MRPS25: variants seen among roughly 807,000 people sequenced by gnomAD.
MRPS25 encodes mitochondrial ribosomal protein S25, also known as small ribosomal subunit protein mS25.
A neutral mutation model predicts 17.3 loss-of-function variants in MRPS25; 15 were observed. That is an observed-to-expected ratio of 0.87 (90% CI 0.58 to 1.34). The LOEUF (loss-of-function observed/expected upper bound fraction) is 1.34. Among genes scored for constraint, MRPS25 ranks in the 40% most tolerant of loss-of-function variants. MRPS25 has a pLI of 0.00. For synonymous variants in MRPS25, 94 were observed against 83.3 expected (o/e 1.13, Z -0.70); for missense variants, 225 against 218.6 (o/e 1.03, Z -0.19).
In MRPS25 at chr3:15,051,819, G is replaced by A. The variant is rs1328766505; in HGVS notation, c.*622C>T. On this transcript the variant is annotated 3_prime_UTR_variant, in exon 4 of 4. Transcript: ENST00000253686. ...CAGTGGCTGACTGGTCAGCAGGTAC[G>A]TGCCTGAGTGAGGCTGGCCTGTCAG... The A allele has an allele frequency of 4.1e-6, 4 of 985,510 alleles. No individual in the cohort carries two copies. The highest frequency in any genetic ancestry group is 1.1e-4 in the East Asian group (1 of 8,808). The allele number at this position is 985,510 out of a possible 1,614,324, so 61.0% of individuals were successfully genotyped here.
intron 1 of MRPS25, among the ~76,000 whole-genome samples, chr3:15,064,102 A>C (rs1439976779): frequency 6.6e-6 from 1 of 152,142 alleles, no homozygotes; most frequent in Non-Finnish European, 1.5e-5. Flanking sequence ...GCCCCACAAG[A>C]AGTTGCTCCC....
intron 1 of MRPS25, among the ~76,000 whole-genome samples, chr3:15,060,670 C>T (rs944431138): frequency 1.3e-5 from 2 of 152,060 alleles, no homozygotes; most frequent in Non-Finnish European, 2.9e-5. Context: ...ATCACGAGGT[C>T]AGGAGATCGA....
chr3:15,063,862 T>C (rs1013956153), intron 1 of MRPS25, among the ~76,000 whole-genome samples: 1 of 151,080 alleles, frequency 6.6e-6, no homozygotes, highest in South Asian at 2.1e-4. Flanking sequence ...TGCCTGGCAG[T>C]TGCCCGGGGA....
At chr3:15,062,821 G>T (rs2042796328) in intron 1 of MRPS25, among the ~76,000 whole-genome samples, 1 of 152,106 alleles carries the variant, frequency 6.6e-6, no homozygotes, top group Non-Finnish European at 1.5e-5. Context: ...GGGTTAAATG[G>T]ATTAAGGGCG....
At chr3:15,060,434 G>C (rs1003425641) in intron 1 of MRPS25, among the ~76,000 whole-genome samples, 1 of 149,822 alleles carries the variant, frequency 6.7e-6, no homozygotes, top group East Asian at 2.0e-4. Flanking sequence ...GATCGCTTAA[G>C]CCCGGGAGTT....
intron 1 of MRPS25, among the ~76,000 whole-genome samples, chr3:15,064,248 T>G (rs369695227): frequency 2.3e-3 from 352 of 152,264 alleles, no homozygotes; most frequent in African/African-American, 8.0e-3. Flanking sequence ...TCAATAAATG[T>G]AGACTTCATA....
Position 15,065,082 on chromosome 3 carries a change from C to G in MRPS25, c.113G>C (p.Gly38Ala), listed in dbSNP as rs1441560203. The G allele has an allele frequency of 2.5e-6, 4 of 1,602,376 alleles. No individual in the cohort carries two copies. In the East Asian group the frequency reaches 9.0e-5, roughly 36 times the overall value. Reference sequence around the variant, plus strand: ...TGACCTGGCGCCCTCGCCCAGCTCCCCATGCGTGTTGTAATTCACTGTCAT... The same window carrying G: ...TGACCTGGCGCCCTCGCCCAGCTCCGCATGCGTGTTGTAATTCACTGTCAT... ...KVMTVNYNTH[G>A]ELGEGARKFV... Residue 38 changes from glycine to alanine, a missense_variant, in exon 1 of 4, where the codon GGG becomes GCG. Physicochemically the swap from Gly to Ala is moderately conservative, Grantham distance 60 (BLOSUM62 0). Transcript: ENST00000253686.
At position 15,051,279 on chromosome 3, in the gene MRPS25, A is replaced by G. The variant is rs1445163784; in HGVS notation, c.*1162T>C. ...TGATTCACTGCAGCCTTGATCTCGC[A>G]GGCTCGAGATCCTCCCACCTCAGCT... On this transcript the variant is annotated 3_prime_UTR_variant, in exon 4 of 4. Transcript: ENST00000253686. 2.6e-6 allele frequency: 2 copies of G among 763,060 alleles called. No homozygotes were observed. Among genetic ancestry groups the G allele is most frequent in the Non-Finnish European group, 3.2e-6 (2 of 626,928 alleles). The allele number at this position is 763,060 out of a possible 1,614,324, so 47.3% of individuals were successfully genotyped here.
rs1352291324 is a variant in MRPS25 at position 15,048,537 on chromosome 3, T to C, written c.*3904A>G. On this transcript the variant is annotated 3_prime_UTR_variant, in exon 4 of 4. Coordinates refer to ENST00000253686, the MANE Select transcript of MRPS25 (RefSeq NM_022497.5). ...TAGAAAAAAAATGTTCAACATTTAT[T>C]GATTGATAGACTGTTAAAATTTAAT... 6.6e-6 allele frequency: 1 copy of C among 152,442 alleles called. No homozygotes were observed. Among genetic ancestry groups the C allele is most frequent in the Non-Finnish European group, 1.5e-5 (1 of 68,044 alleles). The allele number at this position is 152,442 out of a possible 1,614,324, so 9.4% of individuals were successfully genotyped here. A position where few individuals can be genotyped will look rare whatever the true frequency, so the allele number is the denominator to read the frequency against.
downstream of MRPS25, chr3:15,046,685 G>A (rs1002958755): frequency 7.9e-5 from 12 of 152,518 alleles, no homozygotes; most frequent in African/African-American, 2.6e-4. Flanking sequence ...GGGGTCATAG[G>A]TAACATTTTA....
downstream of MRPS25, chr3:15,048,257 G>A (rs1464636128): frequency 6.6e-6 from 1 of 152,626 alleles, no homozygotes; most frequent in Non-Finnish European, 1.5e-5. Context: ...CCACAAGATT[G>A]TGCGACCTTT....
chr3:15,062,540 GC>G (rs1299572083), intron 1 of MRPS25, among the ~76,000 whole-genome samples: 1 of 151,892 alleles, frequency 6.6e-6, no homozygotes, highest in East Asian at 2.0e-4. Context: ...GAGCCCCTCT[GC>G]CCGGCCACCA....
chr3:15,064,693 TGTCACCCCC>T (rs1161150459), intron 1 of MRPS25, among the ~76,000 whole-genome samples: 9 of 152,182 alleles, frequency 5.9e-5, no homozygotes. Flanking sequence ...CGTCCTGGGG[TGTCACCCCC>T]GTCACCCCGA....
In MRPS25 at chr3:15,051,693, C is replaced by T; in HGVS notation, c.*748G>A. On this transcript the variant is annotated 3_prime_UTR_variant, in exon 4 of 4. Coordinates refer to ENST00000253686, the MANE Select transcript of MRPS25 (RefSeq NM_022497.5). ...AGAGCCAGCTATAGACACCATCCCC[C>T]CAGCAGGGCCCCAATGTCTCCACTA... 6 of 985,812 alleles carry T rather than the reference C, an allele frequency of 6.1e-6. No homozygotes were observed. Among genetic ancestry groups the T allele is most frequent in the Non-Finnish European group, 7.2e-6 (6 of 830,244 alleles). The allele number at this position is 985,812 out of a possible 1,614,324, so 61.1% of individuals were successfully genotyped here.
At position 15,059,498 on chromosome 3, in the gene MRPS25, C is replaced by G. The variant is rs201165284; in HGVS notation, c.135-23G>C. 5.9e-6 allele frequency: 9 copies of G among 1,522,020 alleles called. No individual in the cohort carries two copies. The East Asian group carries it at 2.0e-4, about 35-fold the overall frequency. The allele number at this position is 1,522,020 out of a possible 1,614,324, so 94.3% of individuals were successfully genotyped here. ...TTCCTGCAAAAGGGAAGAAATGAAG[C>G]CTATGAAACAGAGTTTTTAGCCTGA... is the stretch of plus-strand genomic sequence containing the variant. On this transcript the variant is annotated intron_variant, in intron 1 of 3. Transcript: ENST00000253686.
Position 15,051,778 on chromosome 3 carries a change from C to G in MRPS25, c.*663G>C. The G allele has an allele frequency of 1.0e-6, 1 of 985,464 alleles. No individual in the cohort carries two copies. The highest frequency in any genetic ancestry group is 1.2e-6 in the Non-Finnish European group (1 of 829,996). 61.0% of individuals were successfully genotyped at this position (985,464 alleles called of 1,614,324 possible). On this transcript the variant is annotated 3_prime_UTR_variant, in exon 4 of 4. Coordinates refer to ENST00000253686, the MANE Select transcript of MRPS25 (RefSeq NM_022497.5). ...ACCTCCCTGCTAATGCACACAGTGG[C>G]TGGGCCATGGGTTGGCAGTGGCTGA...
chr3:15,061,414 C>T (rs576128184), intron 1 of MRPS25, among the ~76,000 whole-genome samples: 15 of 152,338 alleles, frequency 9.8e-5, no homozygotes, highest in Admixed American at 3.9e-4. Context: ...GACGGGGTTT[C>T]GCTGTGTTGG....
downstream of MRPS25, chr3:15,044,743 T>A (rs1055318028): frequency 3.3e-5 from 5 of 152,192 alleles, no homozygotes; most frequent in Admixed American, 6.5e-5. Context: ...TCCACAGGGG[T>A]GCAGTCTGGC....
At chr3:15,063,313 G>A (rs538807467) in intron 1 of MRPS25, among the ~76,000 whole-genome samples, 79 of 152,336 alleles carry the variant, frequency 5.2e-4, no homozygotes, top group Admixed American at 1.2e-3. Context: ...CCTGGCAGAG[G>A]TGAGTAAGGA....
Sources: gnomAD v4.1 joint callset for allele counts (sites outside exome capture counted in the v4.1 genomes callset) on GRCh38, gnomAD v4.1.1 for gene constraint, MANE v1.5 for transcripts, NCBI Gene and HGNC (gene_info 2026-07-23, HGNC 2026-07-21) for gene names.